Variants in MARCHF1 observed in about 807,000 individuals in gnomAD.
MARCHF1 encodes E3 ubiquitin-protein ligase MARCHF1.
MARCHF1 carries 40 observed loss-of-function variants against 54.2 expected under a neutral mutation model. The observed-to-expected ratio is 0.74, with a 90% CI of 0.57 to 0.96. The LOEUF (loss-of-function observed/expected upper bound fraction) is 0.96, where lower values mean the gene tolerates loss of function less well. Among genes scored for constraint, MARCHF1 ranks in the 40% least tolerant of loss-of-function variants. The pLI is 0.00. For missense variants in MARCHF1, 586 were observed against 656.5 expected (o/e 0.89, Z 1.17); for synonymous variants, 236 against 236.3 (o/e 1.00, Z 0.01).
At chr4:163,837,327 AG>A (rs1160762237) in intron 4 of MARCHF1, among the ~76,000 whole-genome samples, 2 of 152,228 alleles carry the variant, frequency 1.3e-5, no homozygotes, top group African/African-American at 2.4e-5. Flanking sequence ...ACAAAAAAAA[AG>A]TAAGATAGTA....
chr4:164,205,746 C>G (rs1382592702), intron 1 of MARCHF1, among the ~76,000 whole-genome samples: 3 of 151,992 alleles, frequency 2.0e-5, no homozygotes, highest in Non-Finnish European at 4.4e-5. Flanking sequence ...AAAAATTTCT[C>G]TAACTATTCT....
intron 1 of MARCHF1, among the ~76,000 whole-genome samples, chr4:164,241,818 GC>G: frequency 6.6e-6 from 1 of 152,242 alleles, no homozygotes; most frequent in East Asian, 1.9e-4. Flanking sequence ...CACTTGGGAA[GC>G]ACAAGAGGTC....
rs1002486325 is a variant in MARCHF1 at position 164,230,522 on chromosome 4, C to A, written c.-322-118860G>T. Reference sequence around the variant, plus strand: ...AGATAACCATCACCTCAATTATTTACCTTTTCTTTGTGTTGAGAACATTAC... The same window carrying A: ...AGATAACCATCACCTCAATTATTTAACTTTTCTTTGTGTTGAGAACATTAC... On this transcript the variant is annotated intron_variant, in intron 1 of 9. Transcript: ENST00000514618. Among the ~76,000 whole-genome samples the A allele has an allele frequency of 1.8e-4, 16 of 89,834 alleles. No individual in the cohort carries two copies. The East Asian group carries it at 3.9e-3, about 22-fold the overall frequency. 58.9% of individuals were successfully genotyped at this position (89,834 alleles called of 152,430 possible). A position where few individuals can be genotyped will look rare whatever the true frequency, so the allele number is the denominator to read the frequency against.
At chr4:163,921,734 G>T (rs1303941599) in intron 3 of MARCHF1, among the ~76,000 whole-genome samples, 2 of 151,990 alleles carry the variant, frequency 1.3e-5, no homozygotes, top group Non-Finnish European at 2.9e-5. Flanking sequence ...AGGAAATCAA[G>T]AATTAAATTT....
At chr4:163,752,134 GA>G (rs1307482613) in intron 4 of MARCHF1, among the ~76,000 whole-genome samples, 6 of 152,120 alleles carry the variant, frequency 3.9e-5, no homozygotes, top group East Asian at 1.9e-4. Flanking sequence ...CATCTATTTA[GA>G]AAAAAATTCA....
chr4:163,651,914 T>C (rs1560999240), intron 5 of MARCHF1, among the ~76,000 whole-genome samples: 1 of 151,718 alleles, frequency 6.6e-6, no homozygotes, highest in Non-Finnish European at 1.5e-5. Flanking sequence ...TGTCATGGCC[T>C]TTCATTGTGG....
At chr4:163,922,788 T>C (rs1034928979) in intron 3 of MARCHF1, among the ~76,000 whole-genome samples, 1 of 152,154 alleles carries the variant, frequency 6.6e-6, no homozygotes, top group African/African-American at 2.4e-5. Flanking sequence ...AACAAACAAC[T>C]CCCTTATTTC....
At chr4:164,189,926 A>T in intron 1 of MARCHF1, 1 of 1,568,288 alleles carries the variant, frequency 6.4e-7, no homozygotes, top group Admixed American at 1.7e-5. Flanking sequence ...ACAAGGGTAC[A>T]GGGAACAAAA....
intron 1 of MARCHF1, among the ~76,000 whole-genome samples, chr4:164,162,660 C>T (rs1162605759): frequency 2.0e-5 from 3 of 151,908 alleles, no homozygotes; most frequent in Non-Finnish European, 4.4e-5. Context: ...CAGAAAAATA[C>T]ACAACTGAGG....
chr4:163,643,327 C>CAAAAATAAAAAT lies in MARCHF1; in HGVS notation c.163-29946_163-29935dup, dbSNP rs58924723. Among the ~76,000 whole-genome samples, 114 of 138,102 alleles carry CAAAAATAAAAAT rather than the reference C, an allele frequency of 8.3e-4. 1 individual carries two copies. Among genetic ancestry groups the CAAAAATAAAAAT allele is most frequent in the East Asian group, 6.7e-3 (31 of 4,654 alleles). 90.6% of individuals were successfully genotyped at this position (138,102 alleles called of 152,430 possible). On this transcript the variant is annotated intron_variant, in intron 5 of 9. Transcript: ENST00000514618. ...TGAGTGACAGAGTGAGACCCTGTCT[C>CAAAAATAAAAAT]AAAAATAAAAATAAAAATAAAAATA...
rs1752861022 is a variant in MARCHF1 at position 163,986,246 on chromosome 4, C to CTTTTT, written c.-39+2254_-39+2255insAAAAA. Reference sequence around the variant, plus strand: ...CCTTTCCTTTTCTCCTAATTAACCTCTTCTTTTTTTTTTTTTTTTTTTTTT... The same window carrying CTTTTT: ...CCTTTCCTTTTCTCCTAATTAACCTCTTTTTTTCTTTTTTTTTTTTTTTTTTTTTT... On this transcript the variant is annotated intron_variant, in intron 3 of 9. Coordinates refer to ENST00000514618, the MANE Select transcript of MARCHF1 (RefSeq NM_001394959.1). 9.8e-4 allele frequency among the ~76,000 whole-genome samples: 72 copies of CTTTTT among 73,766 alleles called. 6 individuals are homozygous for CTTTTT. The highest frequency in any genetic ancestry group is 2.8e-3 in the African/African-American group (63 of 22,154). The allele number at this position is 73,766 out of a possible 152,430, so 48.4% of individuals were successfully genotyped here.
At chr4:164,324,640 TATA>T (rs1023680893) in intron 1 of MARCHF1, among the ~76,000 whole-genome samples, 2 of 151,414 alleles carry the variant, frequency 1.3e-5, no homozygotes, top group African/African-American at 4.8e-5. Context: ...AACTTCTGCT[TATA>T]ATAAGGAAGA....
At chr4:164,044,156 C>T (rs1342093966) in intron 2 of MARCHF1, among the ~76,000 whole-genome samples, 2 of 152,148 alleles carry the variant, frequency 1.3e-5, no homozygotes, top group African/African-American at 2.4e-5. Context: ...GTTGCAAAGT[C>T]GCTTTCACAT....
intron 2 of MARCHF1, among the ~76,000 whole-genome samples, chr4:164,098,925 C>A (rs1467422979): frequency 2.0e-5 from 3 of 152,162 alleles, no homozygotes; most frequent in Non-Finnish European, 4.4e-5. Context: ...ATTTTTCTCC[C>A]GTTGGCTCTA....
chr4:163,642,286 T>C (rs1742582494), intron 5 of MARCHF1, among the ~76,000 whole-genome samples: 1 of 152,198 alleles, frequency 6.6e-6, no homozygotes, highest in African/African-American at 2.4e-5. Context: ...TACATTCTTT[T>C]TTTTCTTTTA....
intron 2 of MARCHF1, among the ~76,000 whole-genome samples, chr4:164,005,767 G>T (rs1044975524): frequency 1.3e-5 from 2 of 152,138 alleles, no homozygotes; most frequent in African/African-American, 4.8e-5. Context: ...TGACAAATCA[G>T]AGTGGCTGTT....
intron 1 of MARCHF1, among the ~76,000 whole-genome samples, chr4:164,285,697 G>A (rs1350986145): frequency 4.0e-5 from 6 of 151,430 alleles, no homozygotes; most frequent in African/African-American, 1.5e-4. Flanking sequence ...CAGCGACCTC[G>A]TAATCCGCCC....
At chr4:163,721,555 G>A (rs889592290) in intron 4 of MARCHF1, among the ~76,000 whole-genome samples, 5 of 152,108 alleles carry the variant, frequency 3.3e-5, no homozygotes, top group Non-Finnish European at 5.9e-5. Flanking sequence ...AAATGAGTTA[G>A]GGAGGATTCC....
At chr4:164,232,140 T>G (rs562010917) in intron 1 of MARCHF1, among the ~76,000 whole-genome samples, 31 of 152,292 alleles carry the variant, frequency 2.0e-4, no homozygotes, top group Non-Finnish European at 4.0e-4. Flanking sequence ...CTAATTTTAG[T>G]AAAACCTAAT....
Sources: allele counts gnomAD v4.1 joint callset (sites outside exome capture counted in the v4.1 genomes callset), GRCh38; gene constraint gnomAD v4.1.1; transcripts MANE v1.5; gene names NCBI Gene and HGNC (gene_info 2026-07-23, HGNC 2026-07-21).